The following ZNF678 variants were observed in gnomAD, a reference collection of about 807,000 sequenced individuals.
ZNF678 encodes zinc finger protein 678.
ZNF678 carries 5 observed loss-of-function variants against 3.0 expected under a neutral mutation model. The observed-to-expected ratio is 1.69, with a 90% CI of 0.88 to 3.56. The LOEUF (loss-of-function observed/expected upper bound fraction) is 3.56. ZNF678 is among the 30% of genes most tolerant of loss of function. ZNF678 has a pLI of 0.00. For missense variants in ZNF678, 593 were observed against 605.0 expected (o/e 0.98, Z 0.21); for synonymous variants, 218 against 199.6 (o/e 1.09, Z -0.78).
At chr1:227,670,967 ATT>A (rs139606967) in intron 5 of ZNF678, among the ~76,000 whole-genome samples, 8 of 128,286 alleles carry the variant, frequency 6.2e-5, no homozygotes, top group South Asian at 2.4e-4. Flanking sequence ...GAGGCCTTTT[ATT>A]TTTTTTTTTT....
intron 1 of ZNF678, chr1:227,582,487 A>ATTTTT (rs59111806): frequency 0.012 from 1,285 of 111,646 alleles, 1 homozygote; most frequent in Non-Finnish European, 0.013. Context: ...TGCCCAGCTA[A>ATTTTT]TTTTTTTTTT....
chr1:227,629,174 C>G lies in ZNF678; in HGVS notation c.-163-17370C>G, dbSNP rs138758649. 4.6e-3 allele frequency among the ~76,000 whole-genome samples: 699 copies of G among 152,272 alleles called. 19 individuals are homozygous for G. In the South Asian group the frequency reaches 0.056, roughly 12 times the overall value. ...TCCTTAACAATCTTTTGGAGTCCTT[C>G]TTGTGCCTCGGGTCTAAGGGGGTAC... On this transcript the variant is annotated intron_variant, in intron 1 of 3. Coordinates refer to ENST00000343776, the MANE Select transcript of ZNF678 (RefSeq NM_001367909.1).
At chr1:227,669,475 A>G (rs1659562925) in intron 5 of ZNF678, among the ~76,000 whole-genome samples, 1 of 141,872 alleles carries the variant, frequency 7.0e-6, no homozygotes, top group Admixed American at 6.7e-5. Context: ...TCTCTACTAA[A>G]AATATATATA....
rs1659237561 is a variant in ZNF678, at chr1:227,655,935, C to T, written c.*107C>T. ...CACAAAATGTAAGCTTCAGAGTGCACAACACTATACTGAATGAAATTTATA... is the reference window on the plus strand; with the variant it reads ...CACAAAATGTAAGCTTCAGAGTGCATAACACTATACTGAATGAAATTTATA... On this transcript the variant is annotated 3_prime_UTR_variant, in exon 4 of 4. Transcript: ENST00000343776. 2 of 799,912 alleles carry T rather than the reference C, an allele frequency of 2.5e-6. No individual in the cohort carries two copies. Among genetic ancestry groups the T allele is most frequent in the Admixed American group, 3.1e-5 (1 of 32,410 alleles). The allele number at this position is 799,912 out of a possible 1,614,324, so 49.6% of individuals were successfully genotyped here.
chr1:227,649,133 C>T (rs1659028624), intron 2 of ZNF678, among the ~76,000 whole-genome samples: 1 of 152,116 alleles, frequency 6.6e-6, no homozygotes, highest in South Asian at 2.1e-4. Context: ...ATTGTCATAT[C>T]TTGGCAATTG....
At chr1:227,665,780 G>T (rs1222972543), downstream of ZNF678, among the ~76,000 whole-genome samples, 2 of 152,054 alleles carry the variant, frequency 1.3e-5, no homozygotes, top group African/African-American at 2.4e-5. Flanking sequence ...CTATTTTGTG[G>T]ATTATCTTTT....
At chr1:227,639,449 A>G (rs1240902196) in intron 1 of ZNF678, among the ~76,000 whole-genome samples, 5 of 152,244 alleles carry the variant, frequency 3.3e-5, no homozygotes, top group Non-Finnish European at 7.3e-5. Context: ...TGAAGCTTGC[A>G]CCAAATATCA....
At chr1:227,631,964 C>G (rs1308345869) in intron 1 of ZNF678, among the ~76,000 whole-genome samples, 1 of 152,212 alleles carries the variant, frequency 6.6e-6, no homozygotes, top group Non-Finnish European at 1.5e-5. Context: ...TGTTAAAGTA[C>G]TGGGTCATCA....
intron 1 of ZNF678, among the ~76,000 whole-genome samples, chr1:227,599,394 G>A (rs1439684166): frequency 3.3e-5 from 5 of 152,090 alleles, no homozygotes; most frequent in Non-Finnish European, 5.9e-5. Context: ...TCCTCCTGCC[G>A]CCTCCCCTAT....
intron 1 of ZNF678, among the ~76,000 whole-genome samples, chr1:227,631,285 T>C (rs141461862): frequency 4.6e-5 from 7 of 152,322 alleles, no homozygotes; most frequent in African/African-American, 1.7e-4. Context: ...GGATTAGTTA[T>C]GCTCACCAAT....
intron 1 of ZNF678, among the ~76,000 whole-genome samples, chr1:227,599,393 C>T (rs925680437): frequency 1.4e-4 from 21 of 152,202 alleles, no homozygotes; most frequent in African/African-American, 3.1e-4. Context: ...GTCCTCCTGC[C>T]GCCTCCCCTA....
chr1:227,664,526 C>T (rs1041629039), downstream of ZNF678, among the ~76,000 whole-genome samples: 1 of 152,132 alleles, frequency 6.6e-6, no homozygotes, highest in Non-Finnish European at 1.5e-5. Context: ...TTTGCATGCC[C>T]CCTGCCAAAT....
chr1:227,645,023 A>T (rs548849465), intron 1 of ZNF678, among the ~76,000 whole-genome samples: 2 of 152,280 alleles, frequency 1.3e-5, no homozygotes, highest in South Asian at 4.2e-4. Flanking sequence ...CAGTATTTTT[A>T]TTGTCGTAGC....
At chr1:227,599,216 G>C in intron 1 of ZNF678, 1 of 856,906 alleles carries the variant, frequency 1.2e-6, no homozygotes, top group East Asian at 2.9e-5. Context: ...TCAGGTTTTT[G>C]TTTTTGTTTT....
At chr1:227,598,793 C>A in intron 1 of ZNF678, 1 of 545,468 alleles carries the variant, frequency 1.8e-6, no homozygotes, top group Non-Finnish European at 3.4e-6. Context: ...GTTTCTTATC[C>A]TCATTTTCAC....
intron 1 of ZNF678, among the ~76,000 whole-genome samples, chr1:227,636,040 CGTT>C (rs1359542121): frequency 6.6e-6 from 1 of 152,066 alleles, no homozygotes; most frequent in Non-Finnish European, 1.5e-5. Flanking sequence ...TCCATCGTGT[CGTT>C]GTAGCAGGAG....
rs775949798 is a variant in ZNF678 at position 227,669,096 on chromosome 1, G to GA, written c.227-8071dup. On this transcript the variant is annotated intron_variant, in intron 5 of 5. Coordinates refer to the ZNF678 transcript ENST00000608949. ...TAAACTAAAGATTTTCTGCAAAGTG[G>GA]AAAAAAAAAAAACCACTAACAGAGT... 3.5e-3 allele frequency among the ~76,000 whole-genome samples: 488 copies of GA among 138,590 alleles called. 2 individuals carry two copies. Among genetic ancestry groups the GA allele is most frequent in the Middle Eastern group, 0.011 (3 of 276 alleles). 90.9% of individuals were successfully genotyped at this position (138,590 alleles called of 152,430 possible).
chr1:227,583,416 A>G (rs1391648582), intron 1 of ZNF678, among the ~76,000 whole-genome samples: 5 of 149,708 alleles, frequency 3.3e-5, no homozygotes, highest in Admixed American at 2.0e-4. Context: ...CAGTGGCACA[A>G]TCACAGCTCC....
chr1:227,644,386 C>T (rs1387630357), intron 1 of ZNF678, among the ~76,000 whole-genome samples: 1 of 152,154 alleles, frequency 6.6e-6, no homozygotes, highest in Non-Finnish European at 1.5e-5. Context: ...TGTTTGTGCA[C>T]AAGTTGTTTC....
Sources: allele counts gnomAD v4.1 joint callset (sites outside exome capture counted in the v4.1 genomes callset), GRCh38; gene constraint gnomAD v4.1.1; transcripts MANE v1.5; gene names NCBI Gene and HGNC (gene_info 2026-07-23, HGNC 2026-07-21).